AFAP1: variants seen among roughly 807,000 people sequenced by gnomAD.
AFAP1 encodes the protein actin filament associated protein 1.
A neutral mutation model predicts 93.9 loss-of-function variants in AFAP1; 75 were observed. The observed-to-expected ratio is 0.80, with a 90% CI of 0.66 to 0.97. The LOEUF is 0.97. Ranked by LOEUF, AFAP1 falls within the 50% of genes least tolerant of loss-of-function variation. AFAP1 has a pLI of 0.00. For synonymous variants in AFAP1, 517 were observed against 430.7 expected, an observed-to-expected ratio of 1.20 and a Z score of -2.48; for missense variants, 1,201 against 1,050.8, an observed-to-expected ratio of 1.14 and a Z score of -1.98.
chr4:7,893,211 T>C (rs980470689), intron 1 of AFAP1, among the ~76,000 whole-genome samples: 2 of 152,200 alleles, frequency 1.3e-5, no homozygotes, highest in East Asian at 1.9e-4. Flanking sequence ...TGTTGAATCA[T>C]GACTCTTGTA....
rs759602051 is a variant in AFAP1, at chr4:7,939,845, C to A, written c.-192G>T. On this transcript the variant is annotated 5_prime_UTR_variant, in exon 1 of 18. Transcript: ENST00000420658. The surrounding 1 kb of genome is among the most constrained non-coding windows in gnomAD (Gnocchi z 5.6). ...TCGCGGAGCTGCAGCCGGCGTGGGG[C>A]TGCGGCCGGGACAGACACCACGCAG... The A allele has an allele frequency of 2.5e-5, 7 of 275,254 alleles. No individual in the cohort carries two copies. The highest frequency in any genetic ancestry group is 1.7e-4 in the East Asian group (1 of 6,018). 17.1% of individuals were successfully genotyped at this position (275,254 alleles called of 1,614,324 possible).
chr4:7,916,448 G>C (rs1720088309), intron 1 of AFAP1, among the ~76,000 whole-genome samples: 1 of 152,154 alleles, frequency 6.6e-6, no homozygotes, highest in African/African-American at 2.4e-5. Flanking sequence ...TCCAGCCCCT[G>C]CTCTAAACCC....
chr4:7,926,880 C>T (rs1363985503), intron 1 of AFAP1, among the ~76,000 whole-genome samples: 1 of 152,152 alleles, frequency 6.6e-6, no homozygotes, highest in Non-Finnish European at 1.5e-5. Context: ...GGATTACAGG[C>T]CCCCGCCACC....
At chr4:7,918,527 G>A (rs1406840837) in intron 1 of AFAP1, among the ~76,000 whole-genome samples, 3 of 127,354 alleles carry the variant, frequency 2.4e-5, no homozygotes, top group Non-Finnish European at 4.8e-5. Flanking sequence ...AGAGACACTC[G>A]GCCCAGGTCA....
At chr4:7,795,121 G>A (rs1380529865) in intron 10 of AFAP1, among the ~76,000 whole-genome samples, 1 of 152,128 alleles carries the variant, frequency 6.6e-6, no homozygotes, top group African/African-American at 2.4e-5. Flanking sequence ...TCCATGCAAT[G>A]TATAAAGGCC....
intron 1 of AFAP1, among the ~76,000 whole-genome samples, chr4:7,926,161 T>C (rs1335508601): frequency 1.3e-5 from 2 of 152,150 alleles, no homozygotes; most frequent in Non-Finnish European, 2.9e-5. Context: ...ATACAAGATA[T>C]GTTTTGATTT....
At chr4:7,873,342 CTTTTTTTTTT>C (rs1158765422) in intron 1 of AFAP1, among the ~76,000 whole-genome samples, 2 of 51,016 alleles carry the variant, frequency 3.9e-5, no homozygotes, top group Admixed American at 3.2e-4. Flanking sequence ...GAAGACACAC[CTTTTTTTTTT>C]TTTTTTTTTT....
rs558155185 is a variant in AFAP1, at chr4:7,766,225, C to T, written c.2419-2434G>A. On this transcript the variant is annotated intron_variant, in intron 17 of 17. Transcript: ENST00000420658. ...GGAGGATGGGTAGCTGGGTACGCTT[C>T]GTGCCTTCTTGCCCCTTCAGCCTCC... Among the ~76,000 whole-genome samples the T allele has an allele frequency of 9.9e-5, 15 of 152,254 alleles. No homozygotes were observed. In the South Asian group the frequency reaches 1.7e-3, roughly 17 times the overall value.
At chr4:7,864,165 C>CCATTCCCAACCTCCCATCACAA (rs1716129855) in intron 3 of AFAP1, among the ~76,000 whole-genome samples, 1 of 54,914 alleles carries the variant, frequency 1.8e-5, no homozygotes, top group Non-Finnish European at 4.1e-5. Flanking sequence ...TCATCACAAC[C>CCATTCCCAACCTCCCATCACAA]CACAGGTCCT....
chr4:7,922,867 CAGCTACTCAGG>C (rs1257525358), intron 1 of AFAP1, among the ~76,000 whole-genome samples: 1 of 152,056 alleles, frequency 6.6e-6, no homozygotes, highest in Non-Finnish European at 1.5e-5. Context: ...CCTGTAGTCC[CAGCTACTCAGG>C]AGCTACTCAG....
rs114461057 is a variant in AFAP1 at position 7,774,566 on chromosome 4, C to A, written c.2062+173G>T. The A allele has an allele frequency of 1.7e-3, 1,801 of 1,033,936 alleles. 12 individuals carry two copies. Among genetic ancestry groups the A allele is most frequent in the Non-Finnish European group, 1.1e-3 (804 of 739,504 alleles). The allele number at this position is 1,033,936 out of a possible 1,614,324, so 64.0% of individuals were successfully genotyped here. The stretch of plus-strand genomic sequence containing the variant: ...GCATGTTTGACCACACAGGCACCTG[C>A]CTCGGGGTTACCAGCAATGTTTCCA... On this transcript the variant is annotated intron_variant, in intron 15 of 17. Coordinates refer to ENST00000420658, the MANE Select transcript of AFAP1 (RefSeq NM_001134647.2).
Position 7,781,364 on chromosome 4 carries a change from A to G in AFAP1, c.1782+12T>C. 6.4e-7 allele frequency: 1 copy of G among 1,550,824 alleles called. No individual in the cohort carries two copies. Among genetic ancestry groups the G allele is most frequent in the Non-Finnish European group, 8.7e-7 (1 of 1,146,286 alleles). ...AGGTGGTTCTAGAATCTTACAGAAG[A>G]AGATGCCGTACCTGCGAGTTGAGCC... On this transcript the variant is annotated intron_variant, in intron 13 of 17. Transcript: ENST00000420658.
intron 10 of AFAP1, chr4:7,798,771 C>G (rs1381293011): frequency 4.2e-6 from 2 of 474,140 alleles, no homozygotes; most frequent in African/African-American, 4.3e-5. Context: ...AGCTACTGTG[C>G]CCCCAGCAAT....
At chr4:7,846,012 G>C (rs746127171) in intron 4 of AFAP1, among the ~76,000 whole-genome samples, 17 of 152,202 alleles carry the variant, frequency 1.1e-4, no homozygotes, top group Non-Finnish European at 2.4e-4. Context: ...CAGGCCTTGA[G>C]ACAAGCTATT....
chr4:7,860,566 T>G (rs570878468), intron 3 of AFAP1, among the ~76,000 whole-genome samples: 2 of 152,134 alleles, frequency 1.3e-5, no homozygotes, highest in African/African-American at 4.8e-5. Flanking sequence ...AGCCTCTCAA[T>G]TGTGATTTCA....
In AFAP1 at chr4:7,800,642, C is replaced by T. The variant is rs756892897; in HGVS notation, c.1066G>A (p.Val356Met). 8 of 1,614,036 alleles carry T rather than the reference C, an allele frequency of 5.0e-6. No homozygotes were observed. In the Admixed American group the frequency reaches 8.3e-5, roughly 17 times the overall value. ...EDVPTCGYLNVLSNSRWRERW... is the reference protein window; with the variant it reads ...EDVPTCGYLNMLSNSRWRERW... The stretch of plus-strand genomic sequence containing the variant: ...TCTCGCCAGCGGCTGTTGGAGAGCA[C>T]GTTCAGATAGCCTGCGGAGACACAA... The change falls in exon 10 of 18, where the codon GTG becomes ATG. Residue 356 changes from valine (V) to methionine (M), a missense_variant. Physicochemically the swap from Val to Met is conservative, Grantham distance 21 (BLOSUM62 1). Coordinates refer to ENST00000420658, the MANE Select transcript of AFAP1 (RefSeq NM_001134647.2).
chr4:7,772,776 G>T, intron 16 of AFAP1, 44 bp downstream of exon 16: 2 of 1,586,714 alleles, frequency 1.3e-6, no homozygotes, highest in Non-Finnish European at 8.6e-7. Context: ...CCTCGGCCAC[G>T]CAAGGCCGCG....
In AFAP1 at chr4:7,862,400, G is replaced by T. The variant is rs1486503739; in HGVS notation, c.225+6222C>A. ...GATGCCAGGGGCAGGAGTTGGGGGC[G>T]GGGGGGGGGGGGGGCGCCGGCGGCG... On this transcript the variant is annotated intron_variant, in intron 3 of 17. Coordinates refer to ENST00000420658, the MANE Select transcript of AFAP1 (RefSeq NM_001134647.2). 6.1e-5 allele frequency: 3 copies of T among 49,200 alleles called. No individual in the cohort carries two copies. In the Admixed American group the frequency reaches 1.0e-3, roughly 17 times the overall value. The allele number at this position is 49,200 out of a possible 1,614,324, so 3.0% of individuals were successfully genotyped here.
intron 6 of AFAP1, among the ~76,000 whole-genome samples, chr4:7,824,666 CAT>C (rs1351372632): frequency 6.6e-6 from 1 of 152,152 alleles, no homozygotes; most frequent in Non-Finnish European, 1.5e-5. Flanking sequence ...TCAAATCTCA[CAT>C]GTTCTCACTC....
Sources: gnomAD v4.1 joint callset for allele counts (sites outside exome capture counted in the v4.1 genomes callset) on GRCh38, gnomAD v4.1.1 for gene constraint, Gnocchi (gnomAD v3.1) non-coding constraint, MANE v1.5 for transcripts, NCBI Gene and HGNC (gene_info 2026-07-23, HGNC 2026-07-21) for gene names.